PARD3B: variants seen among roughly 807,000 people sequenced by gnomAD.
PARD3B encodes the protein partitioning defective 3 homolog B.
Under a neutral mutation model 130.2 loss-of-function variants are expected in PARD3B, and 103 were observed. The ratio of observed to expected loss-of-function variants is 0.79; its 90% confidence interval spans 0.67 to 0.93. The LOEUF (loss-of-function observed/expected upper bound fraction) is 0.93. Ranked by LOEUF, PARD3B falls within the 40% of genes least tolerant of loss-of-function variation. PARD3B has a pLI of 0.00. For synonymous variants in PARD3B, 583 were observed against 553.2 expected (o/e 1.05, Z -0.76); for missense variants, 1,609 against 1,499.2 (o/e 1.07, Z -1.21).
chr2:205,051,701 GTTAT>G (rs1420664220), intron 4 of PARD3B, among the ~76,000 whole-genome samples: 1 of 152,140 alleles, frequency 6.6e-6, no homozygotes, highest in Non-Finnish European at 1.5e-5. Flanking sequence ...TTACAAATTG[GTTAT>G]TTAAGATGTA....
intron 15 of PARD3B, among the ~76,000 whole-genome samples, chr2:205,234,288 C>T (rs958693905): frequency 1.3e-5 from 2 of 152,060 alleles, no homozygotes; most frequent in African/African-American, 4.8e-5. Flanking sequence ...GCATTGCTCT[C>T]CAATATGGGC....
At chr2:204,726,003 A>G (rs1220482798) in intron 2 of PARD3B, among the ~76,000 whole-genome samples, 1 of 152,222 alleles carries the variant, frequency 6.6e-6, no homozygotes, top group Middle Eastern at 3.2e-3. Context: ...AGAACGCCAC[A>G]GTGGCAACCT....
chr2:204,978,831 G>A (rs1013596749), intron 3 of PARD3B, among the ~76,000 whole-genome samples: 1 of 151,936 alleles, frequency 6.6e-6, no homozygotes, highest in African/African-American at 2.4e-5. Flanking sequence ...AGGCATGGTG[G>A]TGGGCACCTG....
At chr2:204,584,332 A>G (rs2032725173) in intron 1 of PARD3B, among the ~76,000 whole-genome samples, 1 of 152,204 alleles carries the variant, frequency 6.6e-6, no homozygotes. Flanking sequence ...CATTGAGTAT[A>G]ATGCATTATA....
chr2:204,614,244 A>G (rs2034029241), intron 1 of PARD3B, among the ~76,000 whole-genome samples: 1 of 152,212 alleles, frequency 6.6e-6, no homozygotes, highest in African/African-American at 2.4e-5. Context: ...AAAAACGTAA[A>G]GCTGATATTT....
intron 1 of PARD3B, among the ~76,000 whole-genome samples, chr2:204,584,856 A>G (rs1198867244): frequency 6.6e-6 from 1 of 152,220 alleles, no homozygotes; most frequent in East Asian, 1.9e-4. Flanking sequence ...GGAATTTAAG[A>G]CAGGGCATTG....
intron 2 of PARD3B, among the ~76,000 whole-genome samples, chr2:204,694,979 G>A (rs973862458): frequency 6.6e-6 from 1 of 152,042 alleles, no homozygotes; most frequent in African/African-American, 2.4e-5. Context: ...TTTGAGTACA[G>A]TGAAGAGTAA....
intron 2 of PARD3B, among the ~76,000 whole-genome samples, chr2:204,805,871 A>T (rs990753355): frequency 7.9e-5 from 12 of 152,150 alleles, no homozygotes; most frequent in Admixed American, 2.0e-4. Flanking sequence ...TCCCTTCATG[A>T]TAAAAACACT....
At chr2:204,803,296 C>T (rs896759379) in intron 2 of PARD3B, among the ~76,000 whole-genome samples, 1 of 151,308 alleles carries the variant, frequency 6.6e-6, no homozygotes, top group Non-Finnish European at 1.5e-5. Flanking sequence ...GAGAGTTTTT[C>T]AATATGAAAT....
rs1483451431 is a variant in PARD3B, at chr2:205,545,837, G to T, written c.3181-7487G>T. Among the ~76,000 whole-genome samples the T allele has an allele frequency of 2.0e-5, 3 of 152,070 alleles. No individual in the cohort carries two copies. In the East Asian group the frequency reaches 5.8e-4, roughly 29 times the overall value. On this transcript the variant is annotated intron_variant, in intron 21 of 22. Transcript: ENST00000406610. The stretch of plus-strand genomic sequence containing the variant: ...GAATTGTTAAAAAATGTTTGAAAAG[G>T]CATTATATCTTCTCCTCTGCCATTA...
intron 1 of PARD3B, among the ~76,000 whole-genome samples, chr2:204,665,205 T>G (rs961401004): frequency 6.6e-6 from 1 of 152,064 alleles, no homozygotes; most frequent in African/African-American, 2.4e-5. Flanking sequence ...ATGACTCAAA[T>G]ATATGCATAT....
chr2:205,126,031 G>A (rs946161445), intron 10 of PARD3B, among the ~76,000 whole-genome samples: 7 of 152,252 alleles, frequency 4.6e-5, no homozygotes, highest in African/African-American at 1.4e-4. Flanking sequence ...TATGTGCTAC[G>A]TGCGAAGCCC....
intron 3 of PARD3B, among the ~76,000 whole-genome samples, chr2:204,997,362 C>G (rs1047662109): frequency 2.0e-5 from 3 of 152,168 alleles, no homozygotes; most frequent in South Asian, 2.1e-4. Context: ...AATACTGAGT[C>G]TTCACATGAA....
Position 204,664,143 on chromosome 2 carries a change from A to G in PARD3B, c.121-22038A>G, listed in dbSNP as rs751964701. 1.3e-5 allele frequency among the ~76,000 whole-genome samples: 2 copies of G among 152,114 alleles called. No individual in the cohort carries two copies. The highest frequency in any genetic ancestry group is 2.4e-5 in the African/African-American group (1 of 41,424). On this transcript the variant is annotated intron_variant, in intron 1 of 22. Coordinates refer to ENST00000406610, the MANE Select transcript of PARD3B (RefSeq NM_001302769.2). The surrounding 1 kb of genome is among the most constrained non-coding windows in gnomAD (Gnocchi z 5.2). ...CCCATGACTGTCTAATAGCTTACAT[A>G]TATGTTGGGTAGTAATGCCAGTGGA...
In PARD3B at chr2:205,128,683, T is replaced by C. The variant is rs536692661; in HGVS notation, c.1434+2946T>C. Among the ~76,000 whole-genome samples the C allele has an allele frequency of 6.6e-6, 1 of 152,380 alleles. No individual in the cohort carries two copies. Among genetic ancestry groups the C allele is most frequent in the African/African-American group, 2.4e-5 (1 of 41,598 alleles). On this transcript the variant is annotated intron_variant, in intron 10 of 22. Coordinates refer to ENST00000406610, the MANE Select transcript of PARD3B (RefSeq NM_001302769.2). This position sits in a 1 kb window ranked among gnomAD's most constrained non-coding sequence, Gnocchi z 4.5. ...CAAAATACGTTAGCTATAATTTTTTTTTCTAATACATGACCATTTCTGTAG... is the reference window on the plus strand; with the variant it reads ...CAAAATACGTTAGCTATAATTTTTTCTTCTAATACATGACCATTTCTGTAG...
rs535746088 is a variant in PARD3B, at chr2:205,461,702, A to G, written c.3044+21030A>G. Among the ~76,000 whole-genome samples the G allele has an allele frequency of 1.3e-5, 2 of 152,314 alleles. No individual in the cohort carries two copies. Among genetic ancestry groups the G allele is most frequent in the Admixed American group, 1.3e-4 (2 of 15,304 alleles). ...AATCACCTGGAGAACTTGTTAAACC[A>G]CAGAAACCTTGGACTGCACCCACAG... On this transcript the variant is annotated intron_variant, in intron 20 of 22. Transcript: ENST00000406610. The surrounding 1 kb of genome is among the most constrained non-coding windows in gnomAD (Gnocchi z 4.3).
chr2:204,988,873 AAAG>A (rs1559330821), intron 3 of PARD3B, among the ~76,000 whole-genome samples: 1 of 152,220 alleles, frequency 6.6e-6, no homozygotes, highest in Non-Finnish European at 1.5e-5. Context: ...CCACACACCC[AAAG>A]AAGATTAGAT....
At position 205,345,632 on chromosome 2, in the gene PARD3B, C is replaced by T. The variant is rs1344985410; in HGVS notation, c.2630+43931C>T. Among the ~76,000 whole-genome samples, 4 of 151,494 alleles carry T rather than the reference C, an allele frequency of 2.6e-5. No homozygotes were observed. The East Asian group carries it at 7.9e-4, about 30-fold the overall frequency. On this transcript the variant is annotated intron_variant, in intron 18 of 22. Coordinates refer to ENST00000406610, the MANE Select transcript of PARD3B (RefSeq NM_001302769.2). ...AGTTCACCCCCTTTCCCTATCTCCTCATGACCCTAGAGAATTTGAACAAAA... is the reference window on the plus strand; with the variant it reads ...AGTTCACCCCCTTTCCCTATCTCCTTATGACCCTAGAGAATTTGAACAAAA...
chr2:204,729,062 G>GA (rs1357944765), intron 2 of PARD3B, among the ~76,000 whole-genome samples: 2 of 152,196 alleles, frequency 1.3e-5, no homozygotes, highest in East Asian at 3.9e-4. Context: ...GAATCTTGGT[G>GA]AGTTCTCATG....
Sources: allele counts gnomAD v4.1 joint callset (sites outside exome capture counted in the v4.1 genomes callset), GRCh38; gene constraint gnomAD v4.1.1; non-coding constraint Gnocchi (gnomAD v3.1); transcripts MANE v1.5; gene names NCBI Gene and HGNC (gene_info 2026-07-23, HGNC 2026-07-21).